Variants in MCTP1 observed in about 807,000 individuals in gnomAD.
The protein encoded by MCTP1 is multiple C2 and transmembrane domain-containing protein 1.
Under a neutral mutation model 120.6 loss-of-function variants are expected in MCTP1, and 69 were observed. That is an observed-to-expected ratio of 0.57 (90% CI 0.47 to 0.70). The LOEUF is 0.70. Among genes scored for constraint, MCTP1 ranks in the 30% least tolerant of loss-of-function variants. The pLI is 0.00. For synonymous variants in MCTP1, 529 were observed against 493.1 expected (o/e 1.07, Z -0.96); for missense variants, 1,203 against 1,248.8 (o/e 0.96, Z 0.55).
chr5:94,710,715 G>T, intron 21 of MCTP1, 103 bp downstream of exon 21: 2 of 691,498 alleles, frequency 2.9e-6, no homozygotes, highest in South Asian at 4.0e-5. Context: ...GTAGCTTCAT[G>T]ACCATAAATA....
At chr5:94,772,842 A>G (rs1213719929) in intron 19 of MCTP1, among the ~76,000 whole-genome samples, 4 of 152,178 alleles carry the variant, frequency 2.6e-5, no homozygotes, top group Non-Finnish European at 4.4e-5. Context: ...AAGGAAGCGT[A>G]AGGATGCCAA....
intron 18 of MCTP1, among the ~76,000 whole-genome samples, chr5:94,787,908 C>CATTTT (rs1778101048): frequency 6.6e-6 from 1 of 152,180 alleles, no homozygotes; most frequent in African/African-American, 2.4e-5. Context: ...CTATTGTCCC[C>CATTTT]ATTTTATTGG....
chr5:94,765,708 G>GAAAAAAAAAAAAAAAAAAAA (rs70978128), intron 19 of MCTP1, among the ~76,000 whole-genome samples: 2 of 109,116 alleles, frequency 1.8e-5, no homozygotes, highest in East Asian at 2.5e-4. Flanking sequence ...TCTCAAAAAA[G>GAAAAAAAAAAAAAAAAAAAA]AAAAAAAAAA....
chr5:94,920,278 T>G (rs1456531937), intron 7 of MCTP1, among the ~76,000 whole-genome samples: 1 of 151,732 alleles, frequency 6.6e-6, no homozygotes, highest in Non-Finnish European at 1.5e-5. Flanking sequence ...ACCTGTTTTT[T>G]TTTTTTTTTT....
chr5:95,209,726 C>A (rs1352283415), intron 1 of MCTP1, among the ~76,000 whole-genome samples: 3 of 152,124 alleles, frequency 2.0e-5, no homozygotes. Context: ...CCACACCGGT[C>A]CCAATTATCT....
At chr5:94,753,006 G>C (rs1182548469) in intron 19 of MCTP1, among the ~76,000 whole-genome samples, 1 of 152,202 alleles carries the variant, frequency 6.6e-6, no homozygotes, top group Non-Finnish European at 1.5e-5. Context: ...ATTTTGATTA[G>C]GAGGGCTATA....
intron 20 of MCTP1, among the ~76,000 whole-genome samples, chr5:94,713,862 T>G (rs1382181943): frequency 1.3e-5 from 2 of 152,186 alleles, no homozygotes; most frequent in East Asian, 3.8e-4. Flanking sequence ...ATTTACTCCT[T>G]TCAAATTCTA....
intron 1 of MCTP1, among the ~76,000 whole-genome samples, chr5:95,062,899 C>T (rs1352360349): frequency 6.6e-6 from 1 of 152,032 alleles, no homozygotes; most frequent in Non-Finnish European, 1.5e-5. Flanking sequence ...CTCACTGCAG[C>T]TTCTACCTCC....
chr5:95,157,674 G>T (rs1361427822), intron 1 of MCTP1, among the ~76,000 whole-genome samples: 1 of 152,188 alleles, frequency 6.6e-6, no homozygotes, highest in Non-Finnish European at 1.5e-5. Flanking sequence ...TTATGGAAAA[G>T]TAATGTACAA....
chr5:94,982,171 T>C (rs1204744616), intron 2 of MCTP1, among the ~76,000 whole-genome samples: 2 of 152,214 alleles, frequency 1.3e-5, no homozygotes, highest in African/African-American at 2.4e-5. Flanking sequence ...AAAATGAGTA[T>C]GGATTTTTAC....
chr5:94,817,792 C>G (rs1218304508), intron 17 of MCTP1, among the ~76,000 whole-genome samples: 1 of 152,112 alleles, frequency 6.6e-6, no homozygotes, highest in Non-Finnish European at 1.5e-5. Flanking sequence ...ATGATTTTGG[C>G]CCTTTTTAGG....
At chr5:95,206,378 G>T (rs928474180) in intron 1 of MCTP1, among the ~76,000 whole-genome samples, 1 of 152,100 alleles carries the variant, frequency 6.6e-6, no homozygotes, top group South Asian at 2.1e-4. Flanking sequence ...GAGACTGAAT[G>T]GTAATGGGTA....
At chr5:95,118,009 G>A (rs1292475248) in intron 1 of MCTP1, among the ~76,000 whole-genome samples, 1 of 152,136 alleles carries the variant, frequency 6.6e-6, no homozygotes, top group Non-Finnish European at 1.5e-5. Context: ...AATACATATG[G>A]GGGCCTGTCA....
chr5:95,097,624 ATC>A (rs1287610984), intron 1 of MCTP1, among the ~76,000 whole-genome samples: 2 of 152,196 alleles, frequency 1.3e-5, no homozygotes, highest in Non-Finnish European at 2.9e-5. Context: ...GAAGTTTCTC[ATC>A]TCTTTTAGAA....
chr5:94,954,842 G>C (rs1489983405), intron 2 of MCTP1, among the ~76,000 whole-genome samples: 1 of 152,030 alleles, frequency 6.6e-6, no homozygotes, highest in East Asian at 1.9e-4. Context: ...GGAAGGGGTG[G>C]AGGTCTCAGA....
chr5:95,216,162 C>T (rs1228164010), intron 1 of MCTP1, among the ~76,000 whole-genome samples: 3 of 152,130 alleles, frequency 2.0e-5, no homozygotes, highest in Non-Finnish European at 1.5e-5. Flanking sequence ...TAATAAATAG[C>T]ATTTCGTTTT....
chr5:95,167,793 T>C (rs1437690909), intron 1 of MCTP1, among the ~76,000 whole-genome samples: 2 of 152,256 alleles, frequency 1.3e-5, no homozygotes, highest in East Asian at 3.8e-4. Context: ...ATTCTGGATA[T>C]TAGCCCTTTG....
At chr5:94,754,170 A>G (rs919385301) in intron 19 of MCTP1, among the ~76,000 whole-genome samples, 1 of 152,220 alleles carries the variant, frequency 6.6e-6, no homozygotes, top group African/African-American at 2.4e-5. Flanking sequence ...TTACTCAAGG[A>G]AAAAAGGACT....
At chr5:94,877,623 C>T (rs1799191471) in intron 12 of MCTP1, 1 of 152,080 alleles carries the variant, frequency 6.6e-6, no homozygotes. Flanking sequence ...AAATGGGGTG[C>T]ACTGACTGGC....
Sources: gnomAD v4.1 joint callset for allele counts (sites outside exome capture counted in the v4.1 genomes callset) on GRCh38, gnomAD v4.1.1 for gene constraint, MANE v1.5 for transcripts, NCBI Gene and HGNC (gene_info 2026-07-23, HGNC 2026-07-21) for gene names.